The following VCAN variants were observed in gnomAD, a reference collection of about 807,000 sequenced individuals.
VCAN encodes the protein versican core protein.
A neutral mutation model predicts 245.5 loss-of-function variants in VCAN; 44 were observed. The observed-to-expected ratio is 0.18, with a 90% CI of 0.14 to 0.23. VCAN has a LOEUF of 0.23. Ranked by LOEUF, VCAN falls within the 10% of genes least tolerant of loss-of-function variation. VCAN has a pLI of 1.00. For missense variants in VCAN, 3,793 were observed against 4,057.9 expected (o/e 0.93, Z 1.77); for synonymous variants, 1,413 against 1,437.0 (o/e 0.98, Z 0.38).
chr5:83,525,852 A>G (rs1353876249), intron 7 of VCAN, among the ~76,000 whole-genome samples: 1 of 152,200 alleles, frequency 6.6e-6, no homozygotes, highest in Non-Finnish European at 1.5e-5. Flanking sequence ...ATATGGTGTT[A>G]TGGAGAGGAT....
intron 6 of VCAN, among the ~76,000 whole-genome samples, chr5:83,516,059 C>T (rs888553748): frequency 2.0e-5 from 3 of 152,160 alleles, no homozygotes; most frequent in Non-Finnish European, 2.9e-5. Flanking sequence ...GGTGAAACCC[C>T]ATCTCTACTA....
At position 83,555,846 on chromosome 5, in the gene VCAN, C is replaced by T. The variant is rs146255056; in HGVS notation, c.9735+808C>T. ...CAGTGTTCCACAGGTAATTCTTAAA[C>T]GCAAAGTTGGGATCCACTGGGCTAG... On this transcript the variant is annotated intron_variant, in intron 12 of 14. Coordinates refer to ENST00000265077, the MANE Select transcript of VCAN (RefSeq NM_004385.5). 2.6e-4 allele frequency among the ~76,000 whole-genome samples: 39 copies of T among 152,186 alleles called. No individual in the cohort carries two copies. In the East Asian group the frequency reaches 4.4e-3, roughly 17 times the overall value.
At chr5:83,552,146 A>G (rs1014693536) in intron 10 of VCAN, among the ~76,000 whole-genome samples, 3 of 152,232 alleles carry the variant, frequency 2.0e-5, no homozygotes, top group East Asian at 3.8e-4. Flanking sequence ...AAGAAATGAA[A>G]TCTTTCAGAA....
Position 83,537,092 on chromosome 5 carries a change from A to C in VCAN, c.4089A>C (p.Pro1363=), listed in dbSNP as rs1472093507. 1 of 1,613,726 alleles carries C rather than the reference A, an allele frequency of 6.2e-7. No homozygotes were observed. ...AACCTTGTAGTGAAGAAACAGATCC[A>C]GTGCATGATCTAATGGCTGAAATTT... ...EDEPCSEETD[P]VHDLMAEILP... The change falls in exon 8 of 15, where the codon CCA becomes CCC. Residue 1363 remains proline, a synonymous_variant. Coordinates refer to ENST00000265077, the MANE Select transcript of VCAN (RefSeq NM_004385.5).
chr5:83,564,201 T>A (rs1747989763), intron 12 of VCAN, among the ~76,000 whole-genome samples: 2 of 152,190 alleles, frequency 1.3e-5, no homozygotes, highest in Non-Finnish European at 2.9e-5. Context: ...TTTATTTTTT[T>A]ATTTTTGCCA....
At chr5:83,575,123 T>G (rs183976760) in intron 13 of VCAN, among the ~76,000 whole-genome samples, 2 of 152,248 alleles carry the variant, frequency 1.3e-5, no homozygotes, top group East Asian at 3.9e-4. Context: ...ATAATAAAAC[T>G]AAAAACCATA....
intron 2 of VCAN, among the ~76,000 whole-genome samples, chr5:83,489,330 G>A (rs1331424888): frequency 6.6e-6 from 1 of 152,194 alleles, no homozygotes; most frequent in East Asian, 1.9e-4. Context: ...CATTTATTTT[G>A]CAGGTAATGG....
chr5:83,521,855 A>T lies in VCAN; in HGVS notation c.3549A>T (p.Gly1183=). The change falls in exon 7 of 15, where the codon GGA becomes GGT. Residue 1183 remains glycine (G), a synonymous_variant. Coordinates refer to ENST00000265077, the MANE Select transcript of VCAN (RefSeq NM_004385.5). ...TAGAGGATATTGATTTAGGCTCAGG[A>T]TTATTTGAAAAGCCCAAAGCCACAG... The part of the protein sequence containing the change: ...TSLEDIDLGS[G]LFEKPKATEL... The T allele has an allele frequency of 6.2e-7, 1 of 1,614,156 alleles. No homozygotes were observed. Among genetic ancestry groups the T allele is most frequent in the Non-Finnish European group, 8.5e-7 (1 of 1,180,012 alleles).
chr5:83,503,374 C>G (rs1245515623), intron 5 of VCAN, among the ~76,000 whole-genome samples: 1 of 152,174 alleles, frequency 6.6e-6, no homozygotes, highest in East Asian at 1.9e-4. Flanking sequence ...TTTAGAAGCT[C>G]ATTTCATGTA....
chr5:83,537,125 A>G lies in VCAN; in HGVS notation c.4122A>G (p.Glu1374=). The G allele has an allele frequency of 6.2e-7, 1 of 1,613,886 alleles. No homozygotes were observed. Among genetic ancestry groups the G allele is most frequent in the East Asian group, 2.2e-5 (1 of 44,864 alleles). Residue 1374 remains glutamate, a synonymous_variant, in exon 8 of 15, where the codon GAA becomes GAG. Coordinates refer to ENST00000265077, the MANE Select transcript of VCAN (RefSeq NM_004385.5). The part of the protein sequence containing the change: ...VHDLMAEILP[E]FPDIIEIDLY... ...ATCTAATGGCTGAAATTTTACCTGA[A>G]TTCCCTGACATAATTGAAATAGACC...
At chr5:83,542,915 A>G (rs1357760253) in intron 8 of VCAN, among the ~76,000 whole-genome samples, 2 of 152,210 alleles carry the variant, frequency 1.3e-5, no homozygotes, top group African/African-American at 4.8e-5. Context: ...TATGGAAAGC[A>G]TGAATTTGAT....
chr5:83,546,364 C>T (rs1405146611), intron 9 of VCAN, among the ~76,000 whole-genome samples: 1 of 152,084 alleles, frequency 6.6e-6, no homozygotes, highest in Non-Finnish European at 1.5e-5. Flanking sequence ...GCTTAATTTG[C>T]TTACAATGAT....
At chr5:83,530,610 G>A (rs373061613) in intron 7 of VCAN, among the ~76,000 whole-genome samples, 3 of 152,022 alleles carry the variant, frequency 2.0e-5, no homozygotes, top group East Asian at 1.9e-4. Context: ...AAAAGACATT[G>A]CCTATTTTTG....
At chr5:83,550,742 C>T (rs542109363) in intron 10 of VCAN, among the ~76,000 whole-genome samples, 1 of 151,894 alleles carries the variant, frequency 6.6e-6, no homozygotes, top group African/African-American at 2.4e-5. Context: ...CAAAAATTAG[C>T]CGGGTGTGGT....
At chr5:83,497,971 T>C (rs1745211243) in intron 5 of VCAN, among the ~76,000 whole-genome samples, 1 of 152,198 alleles carries the variant, frequency 6.6e-6, no homozygotes, top group East Asian at 1.9e-4. Context: ...AATGAGTCAA[T>C]ACTTCCAGTC....
chr5:83,488,911 A>G (rs1744875468), intron 2 of VCAN, among the ~76,000 whole-genome samples: 1 of 152,184 alleles, frequency 6.6e-6, no homozygotes, highest in Non-Finnish European at 1.5e-5. Context: ...TAAAATTTTA[A>G]TCTTTAGCAA....
At chr5:83,557,189 C>T (rs2112475881) in intron 12 of VCAN, among the ~76,000 whole-genome samples, 1 of 152,166 alleles carries the variant, frequency 6.6e-6, no homozygotes, top group Middle Eastern at 3.4e-3. Context: ...TACGAAAAAT[C>T]TTTTTTTCCT....
At position 83,566,241 on chromosome 5, in the gene VCAN, G is replaced by A. The variant is rs926253440; in HGVS notation, c.9736-6175G>A. On this transcript the variant is annotated intron_variant, in intron 12 of 14. Coordinates refer to ENST00000265077, the MANE Select transcript of VCAN (RefSeq NM_004385.5). ...CTCCCAAAATGCTGGGATTGTAGTC[G>A]TGAGCCACCACACCTGGCCCTGAAA... Among the ~76,000 whole-genome samples the A allele has an allele frequency of 2.0e-5, 3 of 152,026 alleles. No homozygotes were observed. In the East Asian group the frequency reaches 5.8e-4, roughly 29 times the overall value.
intron 5 of VCAN, among the ~76,000 whole-genome samples, chr5:83,502,175 G>GT (rs1745349222): frequency 6.6e-6 from 1 of 151,974 alleles, no homozygotes; most frequent in Non-Finnish European, 1.5e-5. Context: ...CGTTCTAATT[G>GT]TTTTTTAGTG....
Sources: allele counts gnomAD v4.1 joint callset (sites outside exome capture counted in the v4.1 genomes callset), GRCh38; gene constraint gnomAD v4.1.1; transcripts MANE v1.5; gene names NCBI Gene and HGNC (gene_info 2026-07-23, HGNC 2026-07-21).